C8B: variants seen among roughly 807,000 people sequenced by gnomAD.
C8B encodes the protein complement C8 beta chain.
A neutral mutation model predicts 64.6 loss-of-function variants in C8B; 67 were observed. The ratio of observed to expected loss-of-function variants is 1.04; its 90% CI spans 0.85 to 1.27. C8B has a LOEUF of 1.27. C8B is among the 50% of genes most tolerant of loss of function. The probability of loss-of-function intolerance (pLI) is 0.00; values close to 1 mark genes in which losing one functional copy is unlikely to be tolerated. For missense variants in C8B, 790 were observed against 725.2 expected (o/e 1.09, Z -1.03); for synonymous variants, 284 against 257.7 (o/e 1.10, Z -0.98).
At chr1:56,950,329 A>T (rs1231682166) in intron 5 of C8B, among the ~76,000 whole-genome samples, 1 of 152,210 alleles carries the variant, frequency 6.6e-6, no homozygotes, top group Non-Finnish European at 1.5e-5. Context: ...AGGCTGTAAG[A>T]GCAGTGCAGG....
chr1:56,960,501 T>C (rs1422680888), intron 1 of C8B, among the ~76,000 whole-genome samples: 2 of 152,178 alleles, frequency 1.3e-5, no homozygotes, highest in Non-Finnish European at 2.9e-5. Context: ...ACGCCCTAGC[T>C]CTATGGGACT....
chr1:56,939,781 G>A (rs1343529137), intron 9 of C8B, among the ~76,000 whole-genome samples: 1 of 152,198 alleles, frequency 6.6e-6, no homozygotes, highest in African/African-American at 2.4e-5. Context: ...AAAGTCTTTT[G>A]TTTGAACCGA....
chr1:56,950,982 T>A (rs972476543), intron 5 of C8B, among the ~76,000 whole-genome samples: 1 of 151,928 alleles, frequency 6.6e-6, no homozygotes, highest in Non-Finnish European at 1.5e-5. Context: ...CAATGGAGAG[T>A]GTGTTTGGCG....
intron 3 of C8B, among the ~76,000 whole-genome samples, chr1:56,956,177 T>C (rs1645099797): frequency 6.6e-6 from 1 of 152,222 alleles, no homozygotes; most frequent in Non-Finnish European, 1.5e-5. Context: ...CAGTGATAAA[T>C]GATGCTAACT....
chr1:56,953,679 C>T (rs1012875223), intron 4 of C8B, among the ~76,000 whole-genome samples: 1 of 152,182 alleles, frequency 6.6e-6, no homozygotes, highest in African/African-American at 2.4e-5. Flanking sequence ...TATTAACTTC[C>T]TCCTGCAGAT....
Position 56,965,390 on chromosome 1 carries a change from A to AGT in C8B, c.92+466_92+467insAC, listed in dbSNP as rs1444226733. Among the ~76,000 whole-genome samples the AGT allele has an allele frequency of 6.3e-5, 7 of 110,904 alleles. No homozygotes were observed. The East Asian group carries it at 1.4e-3, about 23-fold the overall frequency. The allele number at this position is 110,904 out of a possible 152,430, so 72.8% of individuals were successfully genotyped here. A position where few individuals can be genotyped will look rare whatever the true frequency, so the allele number is the denominator to read the frequency against. On this transcript the variant is annotated intron_variant, in intron 1 of 11. Coordinates refer to ENST00000371237, the MANE Select transcript of C8B (RefSeq NM_000066.4). ...ACCTTGTGGGGGGTGAGAGAGAGAG[A>AGT]GAGAGAGAGTGTGTGTGTGTGTGTG...
intron 9 of C8B, among the ~76,000 whole-genome samples, chr1:56,939,381 G>A (rs1644817958): frequency 1.3e-5 from 2 of 152,188 alleles, no homozygotes; most frequent in Admixed American, 1.3e-4. Context: ...GGTTTTGAAT[G>A]GCAGCCTTCT....
At chr1:56,932,286 C>G (rs907114769) in intron 10 of C8B, among the ~76,000 whole-genome samples, 4 of 152,204 alleles carry the variant, frequency 2.6e-5, no homozygotes, top group African/African-American at 9.7e-5. Context: ...TCTCATCTGA[C>G]TTTTGGCCAG....
intron 3 of C8B, 146 bp from the exon 4 acceptor site, chr1:56,954,973 T>G: frequency 1.1e-6 from 1 of 917,830 alleles, no homozygotes; most frequent in Non-Finnish European, 1.7e-6. Flanking sequence ...CCAGATAGAT[T>G]GGTTATGGCA....
intron 3 of C8B, 72 bp downstream of exon 3, chr1:56,956,697 C>T: frequency 1.3e-6 from 2 of 1,558,144 alleles, no homozygotes; most frequent in Non-Finnish European, 1.8e-6. Flanking sequence ...CTGGACATGG[C>T]CTGTCCCTTG....
At chr1:56,933,682 G>A (rs1350942617) in intron 9 of C8B, among the ~76,000 whole-genome samples, 194 bp from the exon 10 acceptor site, 1 of 152,074 alleles carries the variant, frequency 6.6e-6, no homozygotes, top group Non-Finnish European at 1.5e-5. Context: ...CTCAAGTTCA[G>A]GTCAACAAAC....
chr1:56,948,641 G>A (rs115958633), intron 6 of C8B, among the ~76,000 whole-genome samples: 1,930 of 152,240 alleles, frequency 0.013, 32 homozygotes, highest in Non-Finnish European at 0.015. Context: ...GGGGAGATTG[G>A]AGAGTACATT....
chr1:56,953,208 A>C (rs1291814551), intron 4 of C8B, among the ~76,000 whole-genome samples: 2 of 152,000 alleles, frequency 1.3e-5, no homozygotes, highest in Non-Finnish European at 2.9e-5. Context: ...TAACTACTGA[A>C]ATTTCTGTTT....
At chr1:56,940,089 C>T (rs1341366059) in intron 9 of C8B, among the ~76,000 whole-genome samples, 1 of 151,868 alleles carries the variant, frequency 6.6e-6, no homozygotes, top group African/African-American at 2.4e-5. Flanking sequence ...CTCTATCTTC[C>T]CTTAGTACCT....
intron 2 of C8B, among the ~76,000 whole-genome samples, chr1:56,957,396 A>C (rs929419402): frequency 6.6e-6 from 1 of 152,230 alleles, no homozygotes; most frequent in Non-Finnish European, 1.5e-5. Flanking sequence ...CTTTGGAGCT[A>C]CAACTGATTC....
intron 5 of C8B, among the ~76,000 whole-genome samples, chr1:56,950,508 C>T (rs1434002151): frequency 6.6e-6 from 1 of 152,168 alleles, no homozygotes; most frequent in East Asian, 1.9e-4. Flanking sequence ...CCTGGAGTGA[C>T]CAGTCCTGAG....
rs1444280534 is a variant in C8B at position 56,944,327 on chromosome 1, CT to C, written c.1106-504del. ...TTCTTCTTCATTTTTGGACTATTTC[CT>C]ACTTCTTCCTCCCTAATTCTCCCTG... On this transcript the variant is annotated intron_variant, in intron 7 of 11. Coordinates refer to ENST00000371237, the MANE Select transcript of C8B (RefSeq NM_000066.4). Among the ~76,000 whole-genome samples, 6 of 152,296 alleles carry C rather than the reference CT, an allele frequency of 3.9e-5. No homozygotes were observed. The South Asian group carries it at 1.2e-3, about 32-fold the overall frequency.
intron 9 of C8B, 25 bp downstream of exon 9, chr1:56,940,824 G>A: frequency 6.2e-7 from 1 of 1,613,866 alleles, no homozygotes; most frequent in South Asian, 1.1e-5. Flanking sequence ...GTGGAGGAAA[G>A]GATGGGTAGA....
At chr1:56,956,125 G>A (rs1258525569) in intron 3 of C8B, among the ~76,000 whole-genome samples, 1 of 152,052 alleles carries the variant, frequency 6.6e-6, no homozygotes, top group Non-Finnish European at 1.5e-5. Context: ...ACTTAGTGAT[G>A]CAGAAATGTA....
Sources: gnomAD v4.1 joint callset for allele counts (sites outside exome capture counted in the v4.1 genomes callset) on GRCh38, gnomAD v4.1.1 for gene constraint, MANE v1.5 for transcripts, NCBI Gene and HGNC (gene_info 2026-07-23, HGNC 2026-07-21) for gene names.